The following LRAT variants were observed in gnomAD, a reference collection of about 807,000 sequenced individuals.
LRAT encodes lecithin retinol acyltransferase, also known as lecithin retinol acyltransferase (phosphatidylcholine--retinol O-acyltransferase).
LRAT carries 11 observed loss-of-function variants against 14.2 expected under a neutral mutation model. That is an observed-to-expected ratio of 0.78 (90% CI 0.49 to 1.29). LRAT has a LOEUF of 1.29. Among genes scored for constraint, LRAT ranks in the 50% most tolerant of loss-of-function variants. The probability of loss-of-function intolerance (pLI) is 0.00; values close to 1 mark genes in which losing one functional copy is unlikely to be tolerated. For missense variants in LRAT, 274 were observed against 292.4 expected, an observed-to-expected ratio of 0.94 and a Z score of 0.46; for synonymous variants, 144 against 124.8, an observed-to-expected ratio of 1.15 and a Z score of -1.03.
At chr4:154,741,640 A>C (rs1392254009), upstream of LRAT, among the ~76,000 whole-genome samples, 1 of 152,176 alleles carries the variant, frequency 6.6e-6, no homozygotes, top group Non-Finnish European at 1.5e-5. Context: ...TTTCCCAAGA[A>C]GGCGGCCAGA....
rs140599145 is a variant in LRAT, at chr4:154,751,731, C to T, written c.*2595C>T. ...CCTGGGCAACAAAGTGAGACTCCATCTCAAAAAAAAAAAAAAAAAAAAAAA... is the reference window on the plus strand; with the variant it reads ...CCTGGGCAACAAAGTGAGACTCCATTTCAAAAAAAAAAAAAAAAAAAAAAA... On this transcript the variant is annotated 3_prime_UTR_variant, in exon 3 of 3. Coordinates refer to ENST00000336356, the MANE Select transcript of LRAT (RefSeq NM_004744.5). The T allele has an allele frequency of 3.2e-5, 1 of 31,154 alleles. No individual in the cohort carries two copies. The highest frequency in any genetic ancestry group is 5.7e-5 in the Non-Finnish European group (1 of 17,510). The allele number at this position is 31,154 out of a possible 1,614,324, so 1.9% of individuals were successfully genotyped here.
upstream of LRAT, among the ~76,000 whole-genome samples, chr4:154,741,459 G>A (rs1279073493): frequency 6.6e-6 from 1 of 152,146 alleles, no homozygotes; most frequent in African/African-American, 2.4e-5. Flanking sequence ...ATGGCATAAC[G>A]TTCTGGCTTA....
Position 154,749,440 on chromosome 4 carries a change from G to GTT in LRAT, c.*312_*313dup, listed in dbSNP as rs146990234. On this transcript the variant is annotated 3_prime_UTR_variant, in exon 3 of 3. Coordinates refer to ENST00000336356, the MANE Select transcript of LRAT (RefSeq NM_004744.5). ...ATGATAGCCACAAGAGATTAATTGT[G>GTT]TTTTTTTTTCTCCTGTAATCCTTGT... 6.1e-5 allele frequency: 21 copies of GTT among 341,906 alleles called. No homozygotes were observed. The highest frequency in any genetic ancestry group is 1.0e-4 in the Non-Finnish European group (19 of 181,472). 21.2% of individuals were successfully genotyped at this position (341,906 alleles called of 1,614,324 possible).
intron 2 of LRAT, among the ~76,000 whole-genome samples, chr4:154,748,746 T>C (rs1269722954): frequency 1.3e-5 from 2 of 152,152 alleles, no homozygotes; most frequent in African/African-American, 4.8e-5. Context: ...TTTCTATAAA[T>C]GCTGTATTTA....
chr4:154,749,096 C>T lies in LRAT; in HGVS notation c.653C>T (p.Pro218Leu). Residue 218 changes from proline to leucine, a missense_variant, in exon 3 of 3, where the codon CCT becomes CTT. Pro to Leu is a moderately conservative substitution (Grantham distance 98, BLOSUM62 -3). Coordinates refer to ENST00000336356, the MANE Select transcript of LRAT (RefSeq NM_004744.5). ...CTGLVSYTTL[P>L]AIFIPFFLWM... Reference sequence around the variant, plus strand: ...GGCTTGGTATCATACACTACCCTTCCTGCAATTTTTATTCCATTCTTCCTA... The same window carrying T: ...GGCTTGGTATCATACACTACCCTTCTTGCAATTTTTATTCCATTCTTCCTA... 6.2e-7 allele frequency: 1 copy of T among 1,613,882 alleles called. No homozygotes were observed. Among genetic ancestry groups the T allele is most frequent in the Non-Finnish European group, 8.5e-7 (1 of 1,179,776 alleles).
In LRAT at chr4:154,749,224, A is replaced by T; in HGVS notation, c.*88A>T. Reference sequence around the variant, plus strand: ...CAATCAATATAAGCATTATTGAGAAAAATGTGACCCGTAACACTGTGTTCT... The same window carrying T: ...CAATCAATATAAGCATTATTGAGAATAATGTGACCCGTAACACTGTGTTCT... On this transcript the variant is annotated 3_prime_UTR_variant, in exon 3 of 3. Coordinates refer to ENST00000336356, the MANE Select transcript of LRAT (RefSeq NM_004744.5). 7.2e-7 allele frequency: 1 copy of T among 1,391,606 alleles called. No homozygotes were observed. Among genetic ancestry groups the T allele is most frequent in the Non-Finnish European group, 1.0e-6 (1 of 980,884 alleles). The allele number at this position is 1,391,606 out of a possible 1,614,324, so 86.2% of individuals were successfully genotyped here. A position where few individuals can be genotyped will look rare whatever the true frequency, so the allele number is the denominator to read the frequency against.
chr4:154,744,609 A>G lies in LRAT; in HGVS notation c.283A>G (p.Lys95Glu). ...GCGCACGCAGAAGGTGGTCTCCAAC[A>G]AGCGTCTCATCCTGGGCGTTATTGT... ...MGRTQKVVSN[K>E]RLILGVIVKV... Residue 95 changes from lysine (K) to glutamate (E), a missense_variant, in exon 2 of 3, where the codon AAG becomes GAG. Transcript: ENST00000336356. 1.2e-6 allele frequency: 2 copies of G among 1,614,118 alleles called. No homozygotes were observed. Among genetic ancestry groups the G allele is most frequent in the Non-Finnish European group, 1.7e-6 (2 of 1,180,006 alleles).
At chr4:154,741,545 G>C (rs1446168924), upstream of LRAT, among the ~76,000 whole-genome samples, 1 of 152,136 alleles carries the variant, frequency 6.6e-6, no homozygotes, top group African/African-American at 2.4e-5. Context: ...CATTTCCATG[G>C]CAGCAGAGTA....
At position 154,751,733 on chromosome 4, in the gene LRAT, CAAAAAAAAA is replaced by C. The variant is rs760244398; in HGVS notation, c.*2620_*2628del. 17 of 23,848 alleles carry C rather than the reference CAAAAAAAAA, an allele frequency of 7.1e-4. No homozygotes were observed. Among genetic ancestry groups the C allele is most frequent in the Admixed American group, 5.3e-3 (8 of 1,498 alleles). 1.5% of individuals were successfully genotyped at this position (23,848 alleles called of 1,614,324 possible). ...TGGGCAACAAAGTGAGACTCCATCTCAAAAAAAAAAAAAAAAAAAAAAAAAAAAAAAGAA... is the reference window on the plus strand; with the variant it reads ...TGGGCAACAAAGTGAGACTCCATCTCAAAAAAAAAAAAAAAAAAAAAAGAA... On this transcript the variant is annotated 3_prime_UTR_variant, in exon 3 of 3. Transcript: ENST00000336356.
rs1732962586 is a variant in LRAT, at chr4:154,750,092, T to C, written c.*956T>C. ...TCTTATGTCATTGAATTTGTAGTGTTAACTTGCATATATGTTATTGGATGG... is the reference window on the plus strand; with the variant it reads ...TCTTATGTCATTGAATTTGTAGTGTCAACTTGCATATATGTTATTGGATGG... On this transcript the variant is annotated 3_prime_UTR_variant, in exon 3 of 3. Coordinates refer to ENST00000336356, the MANE Select transcript of LRAT (RefSeq NM_004744.5). The C allele has an allele frequency of 6.6e-6, 1 of 152,152 alleles. No homozygotes were observed. The highest frequency in any genetic ancestry group is 1.5e-5 in the Non-Finnish European group (1 of 67,994). The allele number at this position is 152,152 out of a possible 1,614,324, so 9.4% of individuals were successfully genotyped here. A position where few individuals can be genotyped will look rare whatever the true frequency, so the allele number is the denominator to read the frequency against.
At chr4:154,743,707 C>G (rs915557589), upstream of LRAT, among the ~76,000 whole-genome samples, 1 of 152,038 alleles carries the variant, frequency 6.6e-6, no homozygotes, top group Non-Finnish European at 1.5e-5. Context: ...GCCCCAGTCC[C>G]GACAGGTGCA....
upstream of LRAT, among the ~76,000 whole-genome samples, chr4:154,741,588 C>G (rs1732768901): frequency 6.6e-6 from 1 of 152,146 alleles, no homozygotes; most frequent in Non-Finnish European, 1.5e-5. Context: ...CAGATTCATG[C>G]CTCGTATCGC....
Position 154,749,126 on chromosome 4 carries a change from T to C in LRAT, c.683T>C (p.Met228Thr), listed in dbSNP as rs745910794. 2.5e-6 allele frequency: 4 copies of C among 1,613,578 alleles called. No homozygotes were observed. Among genetic ancestry groups the C allele is most frequent in the Non-Finnish European group, 3.4e-6 (4 of 1,179,634 alleles). The change falls in exon 3 of 3, where the codon ATG becomes ACG. Residue 228 changes from methionine to threonine, a missense_variant. Physicochemically the swap from Met to Thr is moderately conservative, Grantham distance 81 (BLOSUM62 -1). Transcript: ENST00000336356. Reference protein sequence around the residue: ...PAIFIPFFLWMAG With the variant: ...PAIFIPFFLWTAG Reference sequence around the variant, plus strand: ...ATTTTTATTCCATTCTTCCTATGGATGGCTGGCTAACTTCATACCCCCATG... The same window carrying C: ...ATTTTTATTCCATTCTTCCTATGGACGGCTGGCTAACTTCATACCCCCATG...
At chr4:154,748,200 A>G (rs2111037319) in intron 2 of LRAT, 1 of 984,378 alleles carries the variant, frequency 1.0e-6, no homozygotes, top group African/African-American at 1.7e-5. Flanking sequence ...ACGTAGAAGA[A>G]TACAGAGGAC....
chr4:154,742,026 T>C (rs558263352), upstream of LRAT, among the ~76,000 whole-genome samples: 8 of 152,148 alleles, frequency 5.3e-5, no homozygotes, highest in Admixed American at 4.6e-4. Flanking sequence ...TTCCCAGAAC[T>C]GGCCCAGAGG....
At chr4:154,745,472 T>C in intron 2 of LRAT, 1 of 155,524 alleles carries the variant, frequency 6.4e-6, no homozygotes, top group South Asian at 2.0e-4. Context: ...CTTCCAGAGA[T>C]TCCAGAGCTG....
At chr4:154,748,190 A>G in intron 2 of LRAT, 3 of 980,398 alleles carry the variant, frequency 3.1e-6, no homozygotes, top group Non-Finnish European at 3.6e-6. Context: ...TTTATACAGC[A>G]CGTAGAAGAA....
intron 1 of LRAT, 33 bp from the exon 2 acceptor site, chr4:154,744,293 C>G (rs1386440634): frequency 2.0e-5 from 32 of 1,610,752 alleles, no homozygotes; most frequent in Non-Finnish European, 2.7e-5. Context: ...GGAGTGGCAC[C>G]GGCACCTCTC....
upstream of LRAT, among the ~76,000 whole-genome samples, chr4:154,743,125 A>ACCCCCCCCC (rs59844353): frequency 1.1e-4 from 2 of 17,832 alleles, no homozygotes; most frequent in South Asian, 2.5e-3. Flanking sequence ...GACCCCCCCA[A>ACCCCCCCCC]CCCCCCCCCC....
Sources: gnomAD v4.1 joint callset for allele counts (sites outside exome capture counted in the v4.1 genomes callset) on GRCh38, gnomAD v4.1.1 for gene constraint, MANE v1.5 for transcripts, NCBI Gene and HGNC (gene_info 2026-07-23, HGNC 2026-07-21) for gene names.